Variants in SHLD1 observed in about 807,000 individuals in gnomAD.
SHLD1 encodes the protein shieldin complex subunit 1, also known as RINN1-REV7-interacting novel NHEJ regulator 3.
A neutral mutation model predicts 5.5 loss-of-function variants in SHLD1; 3 were observed. That is an observed-to-expected ratio of 0.54 (90% confidence interval 0.25 to 1.40). SHLD1 has a LOEUF of 1.40. Ranked by LOEUF, SHLD1 falls within the 40% of genes most tolerant of loss-of-function variation. The pLI, the probability that SHLD1 is intolerant of heterozygous loss-of-function variation, is 0.15. For synonymous variants in SHLD1, 92 were observed against 94.3 expected (o/e 0.98, Z 0.14); for missense variants, 210 against 244.4 (o/e 0.86, Z 0.94).
Position 5,863,897 on chromosome 20 carries a change from A to C in SHLD1, c.*434A>C. On this transcript the variant is annotated 3_prime_UTR_variant, in exon 3 of 3. Transcript: ENST00000303142. ...GTCTCTGGGAGCCTTTCCTTAATAA[A>C]CCTCTTATATCTGAATCCTTGACTC... 6.4e-6 allele frequency: 1 copy of C among 155,790 alleles called. No homozygotes were observed. Among genetic ancestry groups the C allele is most frequent in the Non-Finnish European group, 1.4e-5 (1 of 70,820 alleles). 9.7% of individuals were successfully genotyped at this position (155,790 alleles called of 1,614,324 possible). A position where few individuals can be genotyped will look rare whatever the true frequency, so the allele number is the denominator to read the frequency against.
Position 5,818,701 on chromosome 20 carries a change from C to T in SHLD1, c.179-44323C>T, listed in dbSNP as rs374927247. On this transcript the variant is annotated intron_variant, in intron 2 of 2. Transcript: ENST00000303142. ...GGTTTATAAGCATATGGTAATGAGG[C>T]GTGAATGAGGTGACTGGATTGATCT... Among the ~76,000 whole-genome samples, 20 of 152,072 alleles carry T rather than the reference C, an allele frequency of 1.3e-4. No individual in the cohort carries two copies. In the South Asian group the frequency reaches 3.5e-3, roughly 27 times the overall value.
At chr20:5,814,658 T>C (rs1448637077) in intron 2 of SHLD1, among the ~76,000 whole-genome samples, 3 of 133,828 alleles carry the variant, frequency 2.2e-5, no homozygotes, top group African/African-American at 9.2e-5. Flanking sequence ...CTTCTTCTTT[T>C]TTTTTTTTTT....
chr20:5,853,837 G>A (rs1287002), intron 2 of SHLD1, among the ~76,000 whole-genome samples: 2 of 150,216 alleles, frequency 1.3e-5, no homozygotes, highest in African/African-American at 2.4e-5. Flanking sequence ...GAGTCTCCAC[G>A]TCTACTTTTT....
intron 2 of SHLD1, among the ~76,000 whole-genome samples, chr20:5,841,253 A>T (rs1421788823): frequency 2.0e-5 from 3 of 152,170 alleles, no homozygotes; most frequent in Non-Finnish European, 4.4e-5. Flanking sequence ...TACCATTTAC[A>T]TATAGTAAAG....
intron 2 of SHLD1, among the ~76,000 whole-genome samples, chr20:5,779,098 A>G (rs1289416143): frequency 6.6e-6 from 1 of 151,876 alleles, no homozygotes; most frequent in African/African-American, 2.4e-5. Context: ...AGCTACTGGG[A>G]GGCTGAGGCA....
chr20:5,761,562 C>T (rs1315765673), intron 1 of SHLD1, among the ~76,000 whole-genome samples: 4 of 151,496 alleles, frequency 2.6e-5, no homozygotes, highest in Non-Finnish European at 5.9e-5. Flanking sequence ...CAGAGCTAGC[C>T]ATCAGTGAGC....
At chr20:5,756,303 T>C (rs934331636) in intron 1 of SHLD1, among the ~76,000 whole-genome samples, 1 of 152,100 alleles carries the variant, frequency 6.6e-6, no homozygotes, top group African/African-American at 2.4e-5. Flanking sequence ...AAAAAAAATT[T>C]TTAAGCATTA....
At chr20:5,835,131 T>G (rs545522666) in intron 2 of SHLD1, among the ~76,000 whole-genome samples, 1 of 152,320 alleles carries the variant, frequency 6.6e-6, no homozygotes, top group East Asian at 1.9e-4. Flanking sequence ...GGTGGTATTC[T>G]GCAGACACAG....
intron 2 of SHLD1, among the ~76,000 whole-genome samples, chr20:5,824,249 A>G (rs569179856): frequency 3.1e-4 from 47 of 152,198 alleles, no homozygotes; most frequent in Non-Finnish European, 5.4e-4. Context: ...TTCTTCCACT[A>G]CAGCAAGACC....
chr20:5,769,938 A>T (rs1283669741), intron 1 of SHLD1, among the ~76,000 whole-genome samples: 3 of 135,280 alleles, frequency 2.2e-5, no homozygotes, highest in Non-Finnish European at 3.1e-5. Flanking sequence ...CAGGAGGCGG[A>T]GGTTGCAGTG....
chr20:5,804,194 A>C (rs955155829), intron 2 of SHLD1, among the ~76,000 whole-genome samples: 12 of 152,108 alleles, frequency 7.9e-5, no homozygotes, highest in Admixed American at 5.2e-4. Context: ...CATGCCTGTA[A>C]TCCTAGCTAC....
intron 1 of SHLD1, among the ~76,000 whole-genome samples, chr20:5,764,215 G>GTATATATATATATA (rs1225900197): frequency 7.3e-5 from 8 of 109,570 alleles, no homozygotes; most frequent in African/African-American, 2.5e-4. Context: ...ATATTTGTGT[G>GTATATATATATATA]TGTGTATATA....
At chr20:5,817,450 G>C (rs1190199265) in intron 2 of SHLD1, among the ~76,000 whole-genome samples, 4 of 144,128 alleles carry the variant, frequency 2.8e-5, no homozygotes, top group Non-Finnish European at 6.3e-5. Flanking sequence ...GTGTGTGTGT[G>C]TGTGTGTGTG....
At chr20:5,845,134 GA>G (rs2087917842) in intron 2 of SHLD1, among the ~76,000 whole-genome samples, 1 of 151,956 alleles carries the variant, frequency 6.6e-6, no homozygotes, top group South Asian at 2.1e-4. Context: ...TATTCACTTT[GA>G]AAAATCCCAG....
At position 5,799,072 on chromosome 20, in the gene SHLD1, G is replaced by A. The variant is rs540035709; in HGVS notation, c.178+26029G>A. Among the ~76,000 whole-genome samples, 9 of 152,182 alleles carry A rather than the reference G, an allele frequency of 5.9e-5. No homozygotes were observed. In the East Asian group the frequency reaches 9.7e-4, roughly 16 times the overall value. On this transcript the variant is annotated intron_variant, in intron 2 of 2. Coordinates refer to ENST00000303142, the MANE Select transcript of SHLD1 (RefSeq NM_152504.4). ...ACAAAAATTAGCCAGGCATGGTGGC[G>A]TTCACTTGTAGTCCTAGCTACTCAG... is the stretch of plus-strand genomic sequence containing the variant.
At position 5,764,174 on chromosome 20, in the gene SHLD1, A is replaced by AT. The variant is rs34182994; in HGVS notation, c.-4-8683dup. Among the ~76,000 whole-genome samples, 310 of 99,478 alleles carry AT rather than the reference A, an allele frequency of 3.1e-3. 4 individuals carry two copies. Among genetic ancestry groups the AT allele is most frequent in the African/African-American group, 0.013 (299 of 22,614 alleles). 65.3% of individuals were successfully genotyped at this position (99,478 alleles called of 152,430 possible). A position where few individuals can be genotyped will look rare whatever the true frequency, so the allele number is the denominator to read the frequency against. On this transcript the variant is annotated intron_variant, in intron 1 of 2. Coordinates refer to ENST00000303142, the MANE Select transcript of SHLD1 (RefSeq NM_152504.4). ...TATTTATATTTATATATATATATAT[A>AT]TTTTTATATATATATATTTTATATA...
chr20:5,755,091 A>G (rs973741211), intron 1 of SHLD1, among the ~76,000 whole-genome samples: 5 of 151,776 alleles, frequency 3.3e-5, no homozygotes, highest in Non-Finnish European at 5.9e-5. Context: ...GAAATGCTTG[A>G]GTTAAGGGGG....
At chr20:5,768,781 AATATATC>A (rs1380202600) in intron 1 of SHLD1, among the ~76,000 whole-genome samples, 4 of 152,144 alleles carry the variant, frequency 2.6e-5, no homozygotes, top group Non-Finnish European at 5.9e-5. Flanking sequence ...TTTTACATTG[AATATATC>A]ATGTGTGTGT....
chr20:5,753,522 G>A (rs561310112), intron 1 of SHLD1, among the ~76,000 whole-genome samples: 2 of 152,304 alleles, frequency 1.3e-5, no homozygotes, highest in Admixed American at 1.3e-4. Context: ...AAAACAGCCT[G>A]AAAAATCAAG....
Sources: allele counts gnomAD v4.1 joint callset (sites outside exome capture counted in the v4.1 genomes callset), GRCh38; gene constraint gnomAD v4.1.1; transcripts MANE v1.5; gene names NCBI Gene and HGNC (gene_info 2026-07-23, HGNC 2026-07-21).